The following PODN variants were observed in gnomAD, a reference collection of about 807,000 sequenced individuals.
PODN encodes podocan, also known as podocan proteoglycan.
A neutral mutation model predicts 52.7 loss-of-function variants in PODN; 40 were observed. That is an observed-to-expected ratio of 0.76 (90% CI 0.59 to 0.99). The LOEUF (loss-of-function observed/expected upper bound fraction) is 0.99. PODN is among the 50% of genes least tolerant of loss of function. The pLI is 0.00. For synonymous variants in PODN, 396 were observed against 377.9 expected (o/e 1.05, Z -0.56); for missense variants, 720 against 815.1 (o/e 0.88, Z 1.42).
In PODN at chr1:53,070,020, C is replaced by A. The variant is rs1644092465; in HGVS notation, c.165C>A (p.Ser55Arg). The change falls in exon 2 of 11, where the codon AGC becomes AGA. Residue 55 changes from serine to arginine, a missense_variant. Ser to Arg is a moderately radical substitution (Grantham distance 110, BLOSUM62 -1). Coordinates refer to ENST00000312553, the MANE Select transcript of PODN (RefSeq NM_153703.5). The stretch of plus-strand genomic sequence containing the variant: ...AGGAGGAGCCGGTGCTGGTACTGAG[C>A]CCTGAGGAGCCCGGGCCTGGCCCAG... ...FAEEEPVLVL[S>R]PEEPGPGPAA... 2 of 1,612,720 alleles carry A rather than the reference C, an allele frequency of 1.2e-6. No homozygotes were observed. Among genetic ancestry groups the A allele is most frequent in the Non-Finnish European group, 8.5e-7 (1 of 1,179,912 alleles).
In PODN at chr1:53,081,972, C is replaced by T; in HGVS notation, c.1662-9C>T. The stretch of plus-strand genomic sequence containing the variant: ...GCTCCTGGCATTGACTGCCTCGATG[C>T]TCACACAGGTTTAACAAGCTGGCTG... On this transcript the variant is annotated splice_polypyrimidine_tract_variant and intron_variant, in intron 9 of 10. Coordinates refer to ENST00000312553, the MANE Select transcript of PODN (RefSeq NM_153703.5). 1 of 1,581,798 alleles carries T rather than the reference C, an allele frequency of 6.3e-7. No homozygotes were observed. Among genetic ancestry groups the T allele is most frequent in the Non-Finnish European group, 8.6e-7 (1 of 1,159,924 alleles).
chr1:53,074,691 T>G (rs1572268046), intron 4 of PODN, 21 bp downstream of exon 4: 1 of 1,611,990 alleles, frequency 6.2e-7, no homozygotes, highest in Non-Finnish European at 8.5e-7. Context: ...TGAGGCAGGG[T>G]GGGGGGTTGC....
In PODN at chr1:53,078,623, G is replaced by A; in HGVS notation, c.1113G>A (p.Leu371=). The A allele has an allele frequency of 6.2e-7, 1 of 1,613,044 alleles. No homozygotes were observed. Among genetic ancestry groups the A allele is most frequent in the Non-Finnish European group, 8.5e-7 (1 of 1,179,980 alleles). ...LHTVHLYNNA[L]ERVPSGLPRR... is the part of the protein sequence containing the mutation. Reference sequence around the variant, plus strand: ...CGGTGCACCTGTACAACAACGCGCTGGAGCGCGTGCCCAGTGGCCTGCCTC... The same window carrying A: ...CGGTGCACCTGTACAACAACGCGCTAGAGCGCGTGCCCAGTGGCCTGCCTC... The change falls in exon 8 of 11, where the codon CTG becomes CTA. Residue 371 remains leucine (L), a synonymous_variant. Coordinates refer to ENST00000312553, the MANE Select transcript of PODN (RefSeq NM_153703.5).
chr1:53,074,518 G>A, intron 3 of PODN, 88 bp from the exon 4 acceptor site: 1 of 1,483,084 alleles, frequency 6.7e-7, no homozygotes, highest in South Asian at 1.1e-5. Context: ...GTCCTGGCAG[G>A]CGGGTGGGGG....
intron 10 of PODN, among the ~76,000 whole-genome samples, chr1:53,084,111 C>T (rs1025137785): frequency 2.0e-5 from 3 of 152,068 alleles, no homozygotes; most frequent in Non-Finnish European, 4.4e-5. Flanking sequence ...GGGTCACCTT[C>T]CCCAGCTCCC....
intron 1 of PODN, among the ~76,000 whole-genome samples, chr1:53,065,603 G>A (rs10437068): frequency 0.15 from 22,969 of 152,084 alleles, 3,403 homozygotes; most frequent in African/African-American, 0.39. Flanking sequence ...TCCCAATTGC[G>A]CACCCTCGTG....
intron 10 of PODN, among the ~76,000 whole-genome samples, chr1:53,082,589 C>A (rs959054399): frequency 2.6e-5 from 4 of 152,150 alleles, no homozygotes; most frequent in Non-Finnish European, 4.4e-5. Flanking sequence ...TGAGACAGAG[C>A]AGTTAGGAAA....
At chr1:53,080,686 T>C (rs1454961457) in intron 8 of PODN, 42 bp from the exon 9 acceptor site, 2 of 1,600,762 alleles carry the variant, frequency 1.2e-6, no homozygotes, top group African/African-American at 2.7e-5. Context: ...TTAAGTGCTT[T>C]GCACAGGTGG....
At chr1:53,063,494 G>A (rs981241738) in intron 1 of PODN, 1 of 985,540 alleles carries the variant, frequency 1.0e-6, no homozygotes, top group Non-Finnish European at 1.2e-6. Context: ...GGAAGGCAGC[G>A]GCGAGGCAGG....
rs1644344525 is a variant in PODN at position 53,085,122 on chromosome 1, C to T, written c.*637C>T. ...CCCATCCTATGGGGACAGGAGCCTT[C>T]AGGACTGCTGGCCTGGCCTGGCCCA... On this transcript the variant is annotated 3_prime_UTR_variant, in exon 11 of 11. Transcript: ENST00000312553. 6.6e-6 allele frequency: 1 copy of T among 152,344 alleles called. No homozygotes were observed. The highest frequency in any genetic ancestry group is 2.4e-5 in the African/African-American group (1 of 41,466). 9.4% of individuals were successfully genotyped at this position (152,344 alleles called of 1,614,324 possible).
chr1:53,071,319 C>T (rs1557650318), intron 2 of PODN: 2 of 488,650 alleles, frequency 4.1e-6, no homozygotes, highest in East Asian at 6.9e-5. Context: ...GAAGGCAGGA[C>T]CCACACTCCT....
Position 53,080,778 on chromosome 1 carries a change from C to G in PODN, c.1563C>G (p.Pro521=), listed in dbSNP as rs758940588. The G allele has an allele frequency of 5.0e-6, 8 of 1,614,108 alleles. No homozygotes were observed. Among genetic ancestry groups the G allele is most frequent in the Non-Finnish European group, 6.8e-6 (8 of 1,180,018 alleles). The change falls in exon 9 of 11, where the codon CCC becomes CCG. Residue 521 remains proline, a synonymous_variant. Transcript: ENST00000312553. ...TCACAGAGATCCCCGAGGGGCTCCC[C>G]GAGTCACTTGAGTACCTGTACCTGC... ...NQLTEIPEGL[P]ESLEYLYLQN...
Position 53,082,068 on chromosome 1 carries a change from A to G in PODN, c.1749A>G (p.Leu583=), listed in dbSNP as rs751960576. 6.2e-7 allele frequency: 1 copy of G among 1,614,048 alleles called. No individual in the cohort carries two copies. Among genetic ancestry groups the G allele is most frequent in the South Asian group, 1.1e-5 (1 of 91,062 alleles). The change falls in exon 10 of 11, where the codon TTA becomes TTG. Residue 583 remains leucine, a synonymous_variant. Transcript: ENST00000312553. The part of the protein sequence containing the change: ...HLQVLDIEGN[L]EFGDISKDRG... ...AGGTCTTGGACATTGAAGGCAACTT[A>G]GAGTTTGGTGACATTTCCAAGGACC... is the stretch of plus-strand genomic sequence containing the variant.
intron 1 of PODN, among the ~76,000 whole-genome samples, chr1:53,064,456 A>G (rs1644004341): frequency 6.6e-6 from 1 of 152,246 alleles, no homozygotes; most frequent in African/African-American, 2.4e-5. Flanking sequence ...CAGGATTTCT[A>G]TTAGAGTCAA....
Position 53,074,602 on chromosome 1 carries a change from G to T in PODN, c.407-4G>T. On this transcript the variant is annotated splice_region_variant and splice_polypyrimidine_tract_variant and intron_variant, in intron 3 of 10. Transcript: ENST00000312553. ...GGGCTCTGACCGATGCCTGTCCTTT[G>T]AAGGGCTCCCAGAGAAGGCGTTTGA... 1 of 1,613,988 alleles carries T rather than the reference G, an allele frequency of 6.2e-7. No individual in the cohort carries two copies. Among genetic ancestry groups the T allele is most frequent in the Middle Eastern group, 1.6e-4 (1 of 6,062 alleles).
intron 1 of PODN, among the ~76,000 whole-genome samples, chr1:53,066,197 A>G (rs562727529): frequency 1.3e-4 from 19 of 151,882 alleles, no homozygotes; most frequent in Admixed American, 2.6e-4. Context: ...AAGTTTCGCC[A>G]TCTTGCCCAG....
At chr1:53,064,083 T>A (rs1325827710) in intron 1 of PODN, among the ~76,000 whole-genome samples, 1 of 152,210 alleles carries the variant, frequency 6.6e-6, no homozygotes, top group African/African-American at 2.4e-5. Context: ...GACCCACATT[T>A]TACTCTTGGC....
chr1:53,064,009 G>C (rs574313915), intron 1 of PODN, among the ~76,000 whole-genome samples: 1 of 152,208 alleles, frequency 6.6e-6, no homozygotes, highest in South Asian at 2.1e-4. Flanking sequence ...CTCCCACTCC[G>C]TCCACTTGGA....
chr1:53,076,170 A>T (rs1298781819), intron 5 of PODN, among the ~76,000 whole-genome samples, 199 bp downstream of exon 5: 1 of 152,210 alleles, frequency 6.6e-6, no homozygotes, highest in East Asian at 1.9e-4. Context: ...GTCTACAGGA[A>T]TTGTGGTGAA....
Sources: allele counts gnomAD v4.1 joint callset (sites outside exome capture counted in the v4.1 genomes callset), GRCh38; gene constraint gnomAD v4.1.1; transcripts MANE v1.5; gene names NCBI Gene and HGNC (gene_info 2026-07-23, HGNC 2026-07-21).